POLR1E: variants seen among roughly 807,000 people sequenced by gnomAD.
The protein encoded by POLR1E is DNA-directed RNA polymerase I subunit RPA49.
Under a neutral mutation model 50.9 loss-of-function variants are expected in POLR1E, and 37 were observed. The ratio of observed to expected loss-of-function variants is 0.73; its 90% confidence interval spans 0.56 to 0.96. The LOEUF is 0.96. Ranked by LOEUF, POLR1E falls within the 40% of genes least tolerant of loss-of-function variation. The pLI is 0.00. For synonymous variants in POLR1E, 166 were observed against 191.6 expected, an observed-to-expected ratio of 0.87 and a Z score of 1.10; for missense variants, 426 against 518.1, an observed-to-expected ratio of 0.82 and a Z score of 1.73.
In POLR1E at chr9:37,503,064, C is replaced by T. The variant is rs1183156053; in HGVS notation, c.1122C>T (p.Ala374=). 3 of 1,613,244 alleles carry T rather than the reference C, an allele frequency of 1.9e-6. No individual in the cohort carries two copies. The highest frequency in any genetic ancestry group is 2.5e-6 in the Non-Finnish European group (3 of 1,179,650). The change falls in exon 12 of 12, where the codon GCC becomes GCT. Residue 374 remains alanine (A), a synonymous_variant. Coordinates refer to ENST00000377798, the MANE Select transcript of POLR1E (RefSeq NM_022490.4). The part of the protein sequence containing the change: ...SEKRMMEIAK[A]MRLKISKRRV... Reference sequence around the variant, plus strand: ...TTAGGATGATGGAGATAGCCAAAGCCATGAGGCTGAAGATCTCCAAAAGAA... The same window carrying T: ...TTAGGATGATGGAGATAGCCAAAGCTATGAGGCTGAAGATCTCCAAAAGAA...
chr9:37,499,470 T>C (rs564597724), intron 9 of POLR1E, among the ~76,000 whole-genome samples: 89 of 152,328 alleles, frequency 5.8e-4, no homozygotes, highest in African/African-American at 1.9e-3. Context: ...ACCAAAACAC[T>C]GTAATGTGGG....
chr9:37,496,476 TAGTG>T (rs969726440), intron 8 of POLR1E, among the ~76,000 whole-genome samples: 5 of 152,116 alleles, frequency 3.3e-5, no homozygotes, highest in African/African-American at 1.2e-4. Context: ...TCTTTTATGA[TAGTG>T]AGTTTTTTTT....
chr9:37,488,569 T>G (rs1588798526), intron 3 of POLR1E, among the ~76,000 whole-genome samples: 1 of 152,110 alleles, frequency 6.6e-6, no homozygotes, highest in Non-Finnish European at 1.5e-5. Context: ...GTATAGGTGC[T>G]GAGAACTATT....
intron 5 of POLR1E, 71 bp from the exon 6 acceptor site, chr9:37,493,488 A>G: frequency 7.4e-7 from 1 of 1,344,910 alleles, no homozygotes; most frequent in Non-Finnish European, 1.0e-6. Flanking sequence ...GAGTATCCCC[A>G]TAGTGACACA....
Position 37,492,699 on chromosome 9 carries a change from A to G in POLR1E, c.386A>G (p.Lys129Arg). ...GAACTGGCGCTAGAGAGTCAGACCA[A>G]AACTTACAGAGAAAAGGTGAGTGTG... ...ESELALESQT[K>R]TYREKMDSCI... is the part of the protein sequence containing the mutation. The change falls in exon 5 of 12, where the codon AAA (lysine) becomes AGA (arginine). Residue 129 changes from lysine to arginine, a missense_variant. Transcript: ENST00000377798. 1.2e-6 allele frequency: 2 copies of G among 1,614,014 alleles called. No individual in the cohort carries two copies. Among genetic ancestry groups the G allele is most frequent in the Non-Finnish European group, 1.7e-6 (2 of 1,179,882 alleles).
rs1820928040 is a variant in POLR1E, at chr9:37,503,334, T to C, written c.*132T>C. On this transcript the variant is annotated 3_prime_UTR_variant, in exon 12 of 12. Transcript: ENST00000377798. ...GGCTCACACCTGAAATCCCAGCACT[T>C]TGGGAGGCCGAGGCAGGAAGATCAT... 1 of 1,146,030 alleles carries C rather than the reference T, an allele frequency of 8.7e-7. No individual in the cohort carries two copies. Among genetic ancestry groups the C allele is most frequent in the East Asian group, 2.7e-5 (1 of 37,592 alleles). 71.0% of individuals were successfully genotyped at this position (1,146,030 alleles called of 1,614,324 possible). A position where few individuals can be genotyped will look rare whatever the true frequency, so the allele number is the denominator to read the frequency against.
Position 37,498,197 on chromosome 9 carries a change from C to T in POLR1E, c.859C>T (p.Arg287Ter). 4 of 1,613,960 alleles carry T rather than the reference C, an allele frequency of 2.5e-6. No homozygotes were observed. The highest frequency in any genetic ancestry group is 3.4e-6 in the Non-Finnish European group (4 of 1,179,902). The change falls in exon 9 of 12, where the codon CGA becomes TGA. Residue 287 changes from arginine (R) to a stop codon, truncating the protein, a stop_gained. Coordinates refer to ENST00000377798, the MANE Select transcript of POLR1E (RefSeq NM_022490.4). LOFTEE classifies it high-confidence loss of function. ...GTTTCTGGATACCCTCATCAAATTT[C>T]GAGCTCATAGGGTAGTTAAGCGGAA... ...IWFLDTLIKFRAHRVVKRKSA... is the reference protein window; with the variant it reads ...IWFLDTLIKF
chr9:37,497,952 C>T, intron 8 of POLR1E, 139 bp from the exon 9 acceptor site: 1 of 981,364 alleles, frequency 1.0e-6, no homozygotes, highest in African/African-American at 1.7e-5. Context: ...TGGGGTCTTG[C>T]CTTGTTGCCC....
chr9:37,502,087 T>G (rs1820901793), intron 11 of POLR1E, among the ~76,000 whole-genome samples: 1 of 152,182 alleles, frequency 6.6e-6, no homozygotes, highest in Non-Finnish European at 1.5e-5. Context: ...AGAAAACAAT[T>G]GAAGAATCAG....
At chr9:37,499,256 T>C (rs899292078) in intron 9 of POLR1E, among the ~76,000 whole-genome samples, 1 of 152,110 alleles carries the variant, frequency 6.6e-6, no homozygotes, top group African/African-American at 2.4e-5. Flanking sequence ...ACCAAGACAC[T>C]GTCTCTACAC....
chr9:37,492,440 G>A, intron 4 of POLR1E: 1 of 902,364 alleles, frequency 1.1e-6, no homozygotes, highest in South Asian at 1.5e-5. Context: ...TGGGCTGGAT[G>A]ACCGCTTGAT....
At chr9:37,488,974 C>CA (rs1820627314) in intron 3 of POLR1E, among the ~76,000 whole-genome samples, 2 of 152,122 alleles carry the variant, frequency 1.3e-5, no homozygotes, top group African/African-American at 4.8e-5. Flanking sequence ...TGCAGTGGCT[C>CA]ACGCCTGTAA....
intron 2 of POLR1E, 135 bp from the exon 3 acceptor site, chr9:37,487,728 A>T: frequency 1.2e-6 from 1 of 818,928 alleles, no homozygotes; most frequent in Non-Finnish European, 2.0e-6. Context: ...GGGCTGGATC[A>T]TCTGCCAGAG....
Position 37,486,823 on chromosome 9 carries a change from C to T in POLR1E, c.180+17C>T, listed in dbSNP as rs754745045. The T allele has an allele frequency of 6.3e-7, 1 of 1,595,292 alleles. No individual in the cohort carries two copies. The highest frequency in any genetic ancestry group is 8.5e-7 in the Non-Finnish European group (1 of 1,173,192). On this transcript the variant is annotated intron_variant, in intron 2 of 11. Coordinates refer to ENST00000377798, the MANE Select transcript of POLR1E (RefSeq NM_022490.4). The stretch of plus-strand genomic sequence containing the variant: ...CGGATCCTGGTAAGTGAAGCAGTTG[C>T]CAGCTGTCTCCACTCTGCAGGGCTC...
At chr9:37,499,022 A>G (rs550170280) in intron 9 of POLR1E, among the ~76,000 whole-genome samples, 1 of 152,370 alleles carries the variant, frequency 6.6e-6, no homozygotes, top group African/African-American at 2.4e-5. Context: ...CTAGGCTGCA[A>G]ACCTATACAG....
intron 9 of POLR1E, among the ~76,000 whole-genome samples, chr9:37,499,097 C>G (rs977931360): frequency 6.6e-6 from 1 of 152,104 alleles, no homozygotes; most frequent in Non-Finnish European, 1.5e-5. Context: ...CTAAATATAT[C>G]TAAACAGAAA....
intron 3 of POLR1E, 125 bp from the exon 4 acceptor site, chr9:37,489,190 A>C: frequency 1.6e-6 from 1 of 628,082 alleles, no homozygotes; most frequent in Non-Finnish European, 2.6e-6. Context: ...GTGAGCCGAG[A>C]TCATGCCACT....
chr9:37,489,438 T>C (rs1436335260), intron 4 of POLR1E, 38 bp downstream of exon 4: 1 of 1,447,428 alleles, frequency 6.9e-7, no homozygotes, highest in East Asian at 2.4e-5. Flanking sequence ...AAATAATGCA[T>C]AGTTTGGGTT....
At chr9:37,497,791 G>A (rs138385831) in intron 8 of POLR1E, among the ~76,000 whole-genome samples, 1 of 152,088 alleles carries the variant, frequency 6.6e-6, no homozygotes, top group Non-Finnish European at 1.5e-5. Flanking sequence ...CTGAGACAGG[G>A]TCTTGCTCTG....
Sources: gnomAD v4.1 joint callset for allele counts (sites outside exome capture counted in the v4.1 genomes callset) on GRCh38, gnomAD v4.1.1 for gene constraint, MANE v1.5 for transcripts, NCBI Gene and HGNC (gene_info 2026-07-23, HGNC 2026-07-21) for gene names.